NSMCE2: variants seen among roughly 807,000 people sequenced by gnomAD.
The protein encoded by NSMCE2 is NSE2 SUMO ligase component of SMC5/6 complex, also known as E3 SUMO-protein ligase NSE2.
Under a neutral mutation model 23.8 loss-of-function variants are expected in NSMCE2, and 24 were observed. The ratio of observed to expected loss-of-function variants is 1.01; its 90% CI spans 0.73 to 1.42. The LOEUF (loss-of-function observed/expected upper bound fraction) is 1.42, where lower values mean the gene tolerates loss of function less well. Ranked by LOEUF, NSMCE2 falls within the 40% of genes most tolerant of loss-of-function variation. NSMCE2 has a pLI of 0.00. For synonymous variants in NSMCE2, 92 were observed against 94.1 expected (o/e 0.98, Z 0.13); for missense variants, 284 against 296.5 (o/e 0.96, Z 0.31).
chr8:125,183,874 T>G (rs1436682089), intron 5 of NSMCE2, among the ~76,000 whole-genome samples: 1 of 152,208 alleles, frequency 6.6e-6, no homozygotes, highest in Non-Finnish European at 1.5e-5. Context: ...AGGCATTTTT[T>G]CAAAGGCATT....
chr8:125,157,589 A>G (rs1254007767), intron 4 of NSMCE2, among the ~76,000 whole-genome samples: 2 of 152,230 alleles, frequency 1.3e-5, no homozygotes, highest in Non-Finnish European at 2.9e-5. Flanking sequence ...CCTAATAAAC[A>G]GAGACAGAGA....
At chr8:125,322,007 T>G (rs1190827630) in intron 5 of NSMCE2, among the ~76,000 whole-genome samples, 2 of 152,198 alleles carry the variant, frequency 1.3e-5, no homozygotes, top group East Asian at 3.8e-4. Flanking sequence ...AAGTGTTCGT[T>G]CACATCAATA....
chr8:125,357,759 T>C lies in NSMCE2; in HGVS notation c.567T>C (p.Tyr189=), dbSNP rs1309772845. Residue 189 remains tyrosine, a synonymous_variant, in exon 7 of 8, where the codon TAT becomes TAC. Coordinates refer to ENST00000287437, the MANE Select transcript of NSMCE2 (RefSeq NM_173685.4). ...PVKNKVCGHT[Y]EEDAIVRMIE... ...AAAATAAAGTGTGTGGCCACACCTA[T>C]GAAGAGGACGCCATTGTTCGCATGA... 48 of 1,614,008 alleles carry C rather than the reference T, an allele frequency of 3.0e-5. No individual in the cohort carries two copies. Among genetic ancestry groups the C allele is most frequent in the Non-Finnish European group, 3.9e-5 (46 of 1,180,028 alleles).
chr8:125,126,438 A>G (rs1185923245), intron 3 of NSMCE2, among the ~76,000 whole-genome samples: 1 of 151,832 alleles, frequency 6.6e-6, no homozygotes, highest in African/African-American at 2.4e-5. Flanking sequence ...GTGTGAGACC[A>G]TGAGGAATAG....
chr8:125,245,480 C>T (rs1825921359), intron 5 of NSMCE2, among the ~76,000 whole-genome samples: 1 of 152,042 alleles, frequency 6.6e-6, no homozygotes, highest in Admixed American at 6.6e-5. Context: ...ATGGCAAGAA[C>T]ATACATAACT....
At chr8:125,159,484 G>T (rs1821490972) in intron 4 of NSMCE2, among the ~76,000 whole-genome samples, 1 of 152,166 alleles carries the variant, frequency 6.6e-6, no homozygotes, top group Admixed American at 6.5e-5. Context: ...TAGCCTAGGA[G>T]TAATAGGCTT....
At chr8:125,338,059 G>C (rs769797009) in intron 5 of NSMCE2, among the ~76,000 whole-genome samples, 8 of 152,088 alleles carry the variant, frequency 5.3e-5, no homozygotes, top group Non-Finnish European at 1.2e-4. Context: ...TTTGATACTA[G>C]AGAGACCACC....
At chr8:125,123,216 T>C (rs1819352950) in intron 3 of NSMCE2, among the ~76,000 whole-genome samples, 1 of 152,168 alleles carries the variant, frequency 6.6e-6, no homozygotes, top group South Asian at 2.1e-4. Context: ...TTCTATATCA[T>C]GGGTTACTGA....
intron 1 of NSMCE2, among the ~76,000 whole-genome samples, chr8:125,099,829 G>A (rs759313725): frequency 7.9e-5 from 12 of 152,016 alleles, no homozygotes; most frequent in Admixed American, 7.2e-4. Context: ...GAGAAATGGG[G>A]CTGGTAACCA....
intron 5 of NSMCE2, among the ~76,000 whole-genome samples, chr8:125,354,827 C>T (rs533103779): frequency 6.6e-6 from 1 of 152,306 alleles, no homozygotes; most frequent in South Asian, 2.1e-4. Flanking sequence ...CCCTGCCCCT[C>T]AGTACAGCTT....
intron 5 of NSMCE2, among the ~76,000 whole-genome samples, chr8:125,272,247 C>T (rs1336584934): frequency 6.6e-6 from 1 of 151,882 alleles, no homozygotes; most frequent in Non-Finnish European, 1.5e-5. Context: ...ATCTCCTGAC[C>T]TCATGATCCG....
chr8:125,124,258 C>T (rs1365738370), intron 3 of NSMCE2: 2 of 152,096 alleles, frequency 1.3e-5, no homozygotes, highest in Non-Finnish European at 2.9e-5. Context: ...TAATATTTCA[C>T]TGTACTTCTG....
chr8:125,169,797 A>G (rs760537462), intron 4 of NSMCE2, among the ~76,000 whole-genome samples: 3 of 151,780 alleles, frequency 2.0e-5, no homozygotes, highest in Non-Finnish European at 4.4e-5. Context: ...TTTCAGCTTT[A>G]AGCTCAAATT....
intron 5 of NSMCE2, among the ~76,000 whole-genome samples, chr8:125,302,646 A>G (rs1225394241): frequency 2.0e-5 from 3 of 152,190 alleles, no homozygotes; most frequent in Non-Finnish European, 4.4e-5. Context: ...GAACAAGAAG[A>G]TTAGAACAAT....
intron 4 of NSMCE2, among the ~76,000 whole-genome samples, chr8:125,180,830 G>A (rs1240988792): frequency 1.3e-5 from 2 of 152,158 alleles, no homozygotes; most frequent in African/African-American, 2.4e-5. Flanking sequence ...TTAGTGGGTA[G>A]GTATATTTGG....
chr8:125,275,448 TATCCAGCA>T (rs1827412653), intron 5 of NSMCE2, among the ~76,000 whole-genome samples: 1 of 152,182 alleles, frequency 6.6e-6, no homozygotes, highest in Non-Finnish European at 1.5e-5. Flanking sequence ...CCTCCCATGG[TATCCAGCA>T]GGTAAGAACG....
At chr8:125,274,231 T>C (rs955323499) in intron 5 of NSMCE2, among the ~76,000 whole-genome samples, 5 of 152,108 alleles carry the variant, frequency 3.3e-5, no homozygotes, top group African/African-American at 1.2e-4. Context: ...ATTTTGAAAC[T>C]GAAAAATACA....
chr8:125,199,714 C>G (rs1250239502), intron 5 of NSMCE2, among the ~76,000 whole-genome samples: 2 of 152,144 alleles, frequency 1.3e-5, no homozygotes, highest in Non-Finnish European at 2.9e-5. Flanking sequence ...GAGCTGAGTT[C>G]AAGTCCTGGA....
intron 5 of NSMCE2, among the ~76,000 whole-genome samples, chr8:125,297,938 G>A (rs1250619116): frequency 1.3e-5 from 2 of 152,136 alleles, no homozygotes; most frequent in African/African-American, 2.4e-5. Context: ...AAATAAACAC[G>A]GATGTTGAAG....
Sources: allele counts gnomAD v4.1 joint callset (sites outside exome capture counted in the v4.1 genomes callset), GRCh38; gene constraint gnomAD v4.1.1; transcripts MANE v1.5; gene names NCBI Gene and HGNC (gene_info 2026-07-23, HGNC 2026-07-21).